Variants in RMC1 observed in about 807,000 individuals in gnomAD.
RMC1 encodes the protein regulator of MON1-CCZ1 complex.
In RMC1, 44 loss-of-function variants were observed where a neutral mutation model predicts 95.5. The observed-to-expected ratio is 0.46, with a 90% CI of 0.36 to 0.59. RMC1 has a LOEUF of 0.59. Ranked by LOEUF, RMC1 falls within the 20% of genes least tolerant of loss-of-function variation. The pLI is 0.00. For synonymous variants in RMC1, 320 were observed against 303.6 expected (o/e 1.05, Z -0.56); for missense variants, 705 against 819.6 (o/e 0.86, Z 1.71).
intron 4 of RMC1, 90 bp from the exon 5 acceptor site, chr18:23,509,103 T>A: frequency 2.3e-6 from 1 of 437,458 alleles, no homozygotes. Flanking sequence ...CATTAAAGAA[T>A]GACAAACTGC....
chr18:23,528,478 T>C (rs979423763), intron 14 of RMC1: 10 of 153,600 alleles, frequency 6.5e-5, no homozygotes, highest in African/African-American at 2.2e-4. Context: ...ATTATTTCAA[T>C]TCCAGGATCT....
At chr18:23,520,160 C>G (rs1160969193) in intron 9 of RMC1, 42 bp from the exon 10 acceptor site, 1 of 1,488,876 alleles carries the variant, frequency 6.7e-7, no homozygotes. Flanking sequence ...CTGGGCAAAC[C>G]ATGATTGATT....
intron 14 of RMC1, chr18:23,528,961 C>T: frequency 1.7e-6 from 1 of 578,602 alleles, no homozygotes; most frequent in Admixed American, 3.7e-5. Flanking sequence ...CTCACCGCAA[C>T]CTCTGCCTCC....
At chr18:23,513,011 T>C (rs2057904124) in intron 5 of RMC1, among the ~76,000 whole-genome samples, 1 of 152,142 alleles carries the variant, frequency 6.6e-6, no homozygotes, top group Non-Finnish European at 1.5e-5. Context: ...TGGAGTGCAG[T>C]GGCGTGATCT....
chr18:23,509,878 T>G (rs1272182048), intron 5 of RMC1, among the ~76,000 whole-genome samples: 1 of 150,682 alleles, frequency 6.6e-6, no homozygotes, highest in African/African-American at 2.4e-5. Context: ...TTTTAAACTT[T>G]TTTGTAGAGA....
intron 12 of RMC1, among the ~76,000 whole-genome samples, chr18:23,525,971 G>C (rs1206889497): frequency 6.6e-6 from 1 of 152,202 alleles, no homozygotes; most frequent in Non-Finnish European, 1.5e-5. Context: ...TCCACTGTAT[G>C]TATGTAATGA....
chr18:23,529,872 A>G, intron 16 of RMC1, 156 bp from the exon 17 acceptor site: 3 of 1,040,734 alleles, frequency 2.9e-6, no homozygotes, highest in Non-Finnish European at 4.3e-6. Context: ...GGGAAGTGTA[A>G]GGTCAAGTTG....
chr18:23,524,276 G>A (rs2058229902), intron 11 of RMC1, 102 bp downstream of exon 11: 10 of 1,512,842 alleles, frequency 6.6e-6, no homozygotes, highest in South Asian at 1.1e-5. Flanking sequence ...ATAACACTCC[G>A]AGAGCCACCC....
intron 10 of RMC1, 150 bp from the exon 11 acceptor site, chr18:23,523,980 A>T: frequency 1.2e-6 from 1 of 833,196 alleles, no homozygotes; most frequent in Non-Finnish European, 1.9e-6. Context: ...ACGTGCTTTC[A>T]GTGAGACGGA....
chr18:23,511,786 T>G (rs565617488), intron 5 of RMC1, among the ~76,000 whole-genome samples: 1 of 152,274 alleles, frequency 6.6e-6, no homozygotes, highest in South Asian at 2.1e-4. Context: ...GTTTTCCATT[T>G]TTTTGTGATT....
Position 23,519,050 on chromosome 18 carries a change from T to G in RMC1, c.744-19T>G. The G allele has an allele frequency of 1.9e-6, 3 of 1,613,626 alleles. No homozygotes were observed. The highest frequency in any genetic ancestry group is 2.5e-6 in the Non-Finnish European group (3 of 1,179,522). ...TGAACTGCAGCTTGTTGATCTGTTT[T>G]TTGCTTTCTATCCTACAGAGAAGGT... On this transcript the variant is annotated intron_variant, in intron 8 of 19. Transcript: ENST00000269221.
At position 23,507,064 on chromosome 18, in the gene RMC1, A is replaced by T. The variant is rs1161172792; in HGVS notation, c.264+10A>T. The T allele has an allele frequency of 1.9e-6, 3 of 1,552,922 alleles. No homozygotes were observed. Among genetic ancestry groups the T allele is most frequent in the African/African-American group, 1.4e-5 (1 of 72,860 alleles). ...GACCTCAAAGACTGTGGTAAGACTT[A>T]TCTTTAAAATACAGCATTAAAGGGC... On this transcript the variant is annotated intron_variant, in intron 3 of 19. Transcript: ENST00000269221.
chr18:23,510,086 G>T (rs1056399193), intron 5 of RMC1, among the ~76,000 whole-genome samples: 10 of 151,290 alleles, frequency 6.6e-5, no homozygotes, highest in Non-Finnish European at 1.0e-4. Context: ...TCTTTGGAAG[G>T]CCAAGGTGGG....
rs1382931674 is a variant in RMC1, at chr18:23,506,395, A to T, written c.180-575A>T. The T allele has an allele frequency of 2.6e-5, 4 of 151,972 alleles. No individual in the cohort carries two copies. In the East Asian group the frequency reaches 5.8e-4, roughly 22 times the overall value. The allele number at this position is 151,972 out of a possible 1,614,324, so 9.4% of individuals were successfully genotyped here. On this transcript the variant is annotated intron_variant, in intron 2 of 19. Coordinates refer to ENST00000269221, the MANE Select transcript of RMC1 (RefSeq NM_013326.5). ...TTTTTTTTAAATGAATTTTTAATTT[A>T]AAAAATGTATGTATTGGAATAGAGA...
chr18:23,531,363 T>C, intron 19 of RMC1: 1 of 481,558 alleles, frequency 2.1e-6, no homozygotes, highest in East Asian at 4.3e-5. Context: ...GGATCAGGGC[T>C]GTCTAATGAA....
intron 5 of RMC1, 108 bp from the exon 6 acceptor site, chr18:23,515,748 G>T: frequency 7.6e-7 from 1 of 1,308,392 alleles, no homozygotes; most frequent in South Asian, 1.3e-5. Context: ...GTCCAGGCTG[G>T]TCTCGAACTC....
intron 5 of RMC1, among the ~76,000 whole-genome samples, chr18:23,512,766 A>ACAAAACAT (rs1317730465): frequency 6.6e-6 from 1 of 152,132 alleles, no homozygotes; most frequent in Non-Finnish European, 1.5e-5. Flanking sequence ...AAAAAAACAT[A>ACAAAACAT]CAACATTTAT....
At chr18:23,509,140 T>A (rs1323889380) in intron 4 of RMC1, 53 bp from the exon 5 acceptor site, 1 of 615,820 alleles carries the variant, frequency 1.6e-6, no homozygotes, top group Non-Finnish European at 2.5e-6. Flanking sequence ...TTGAAGAGAG[T>A]TATATGTGTT....
At chr18:23,509,055 AT>A (rs2057782513) in intron 4 of RMC1, 137 bp from the exon 5 acceptor site, 1 of 348,492 alleles carries the variant, frequency 2.9e-6, no homozygotes. Context: ...TTAAAAGAAA[AT>A]TTGTTTTGTT....
Sources: allele counts gnomAD v4.1 joint callset (sites outside exome capture counted in the v4.1 genomes callset), GRCh38; gene constraint gnomAD v4.1.1; transcripts MANE v1.5; gene names NCBI Gene and HGNC (gene_info 2026-07-23, HGNC 2026-07-21).